Variants in TMEM164 observed in about 807,000 individuals in gnomAD.
TMEM164 encodes the protein transmembrane protein 164, also known as RP13-360B22.2.
Under a neutral mutation model 18.8 loss-of-function variants are expected in TMEM164, and 4 were observed. The observed-to-expected ratio is 0.21, with a 90% CI of 0.10 to 0.49. The LOEUF (loss-of-function observed/expected upper bound fraction) is 0.49, where lower values mean the gene tolerates loss of function less well. Among genes scored for constraint, TMEM164 ranks in the 20% least tolerant of loss-of-function variants. The pLI is 0.98. For missense variants in TMEM164, 108 were observed against 239.9 expected (o/e 0.45, Z 3.63); for synonymous variants, 86 against 101.7 (o/e 0.85, Z 0.93).
At chrX:110,030,369 C>T (rs1934421033) in intron 2 of TMEM164, among the ~76,000 whole-genome samples, 1 of 108,293 alleles carries the variant, frequency 9.2e-6, no homozygotes, top group African/African-American at 3.4e-5. Flanking sequence ...ATCCTTCCAT[C>T]TCTGCCTCCC....
intron 2 of TMEM164, among the ~76,000 whole-genome samples, chrX:110,047,213 G>A (rs748986384): frequency 4.4e-4 from 49 of 112,074 alleles, no homozygotes; most frequent in South Asian, 2.6e-3. Context: ...GTGTCAGAAG[G>A]TATTTTTCAA....
At position 110,173,354 on chromosome X, in the gene TMEM164, C is replaced by T; in HGVS notation, c.797C>T (p.Thr266Ile). ...GGACACCAGACTCTCATGACCATGA[C>T]CCACGGGAAGCTGGTCATCCTGTTC... The part of the protein sequence containing the change: ...ASGHQTLMTM[T>I]HGKLVILFSY... Residue 266 changes from threonine (T) to isoleucine (I), a missense_variant, in exon 7 of 7, where the codon ACC becomes ATC. Coordinates refer to ENST00000372068, the MANE Select transcript of TMEM164 (RefSeq NM_032227.4). 1 of 1,211,668 alleles carries T rather than the reference C, an allele frequency of 8.3e-7. No individual in the cohort carries two copies. Among genetic ancestry groups the T allele is most frequent in the Non-Finnish European group, 1.1e-6 (1 of 895,275 alleles).
chrX:110,118,313 A>T (rs1328915613), intron 4 of TMEM164, among the ~76,000 whole-genome samples: 1 of 111,690 alleles, frequency 9.0e-6, no homozygotes, highest in Non-Finnish European at 1.9e-5. Flanking sequence ...CTATATATTC[A>T]TATATTCCTT....
rs766531815 is a variant in TMEM164, at chrX:110,013,614, T to C, written c.390+9450T>C. Reference sequence around the variant, plus strand: ...GATACAGCGGGGATCCTGACTTAAGTAGGGCAGTAGGAATGCTTCATTTTC... The same window carrying C: ...GATACAGCGGGGATCCTGACTTAAGCAGGGCAGTAGGAATGCTTCATTTTC... On this transcript the variant is annotated intron_variant, in intron 2 of 6. Coordinates refer to ENST00000372068, the MANE Select transcript of TMEM164 (RefSeq NM_032227.4). Among the ~76,000 whole-genome samples, 29 of 111,552 alleles carry C rather than the reference T, an allele frequency of 2.6e-4. No homozygotes were observed. In the South Asian group the frequency reaches 2.6e-3, roughly 10 times the overall value.
At chrX:110,063,849 C>T (rs1247731574) in intron 2 of TMEM164, among the ~76,000 whole-genome samples, 2 of 110,926 alleles carry the variant, frequency 1.8e-5, no homozygotes, top group African/African-American at 3.3e-5. Context: ...ATCTTATGAG[C>T]TGGCTGATGG....
intron 2 of TMEM164, among the ~76,000 whole-genome samples, chrX:110,021,465 G>T (rs745541944): frequency 9.0e-6 from 1 of 111,348 alleles, no homozygotes; most frequent in South Asian, 3.8e-4. Context: ...TGGCCAAGAG[G>T]CAGGCAGGGG....
intron 3 of TMEM164, among the ~76,000 whole-genome samples, chrX:110,072,700 T>C (rs2065612729): frequency 8.9e-6 from 1 of 111,829 alleles, no homozygotes; most frequent in Non-Finnish European, 1.9e-5. Flanking sequence ...TCAATTTATT[T>C]ATTCTTTCTA....
At chrX:110,055,725 G>A (rs1450798744) in intron 2 of TMEM164, among the ~76,000 whole-genome samples, 2 of 111,563 alleles carry the variant, frequency 1.8e-5, no homozygotes, top group Admixed American at 1.9e-4. Flanking sequence ...ACTGGGCTTT[G>A]TGAAAGAAGT....
intron 2 of TMEM164, among the ~76,000 whole-genome samples, chrX:110,044,593 C>CTTTTTTTTTTT (rs56400284): frequency 1.1e-4 from 4 of 35,960 alleles, no homozygotes; most frequent in Non-Finnish European, 1.3e-4. Context: ...CCATTCCTTG[C>CTTTTTTTTTTT]TTTTTTTTTT....
intron 5 of TMEM164, among the ~76,000 whole-genome samples, chrX:110,153,125 C>A: frequency 8.9e-6 from 1 of 111,778 alleles, no homozygotes; most frequent in Non-Finnish European, 1.9e-5. Context: ...GGCCTAGAAA[C>A]ATTCATTTGT....
At chrX:110,076,299 T>A (rs1482089229) in intron 3 of TMEM164, among the ~76,000 whole-genome samples, 1 of 111,090 alleles carries the variant, frequency 9.0e-6, no homozygotes, top group African/African-American at 3.3e-5. Flanking sequence ...TTCTTTCATA[T>A]TTCTTTGGGA....
intron 4 of TMEM164, among the ~76,000 whole-genome samples, chrX:110,124,119 A>AGG: frequency 1.5e-5 from 1 of 67,512 alleles, no homozygotes; most frequent in Admixed American, 2.1e-4. Flanking sequence ...TGTAATAACA[A>AGG]ATGGAAGGAA....
intron 5 of TMEM164, among the ~76,000 whole-genome samples, chrX:110,154,073 G>A (rs912372901): frequency 2.7e-5 from 3 of 111,540 alleles, no homozygotes; most frequent in Admixed American, 9.6e-5. Context: ...CGACTTTGTG[G>A]TATATCCTTT....
chrX:110,171,883 G>T (rs1030087041), intron 6 of TMEM164, among the ~76,000 whole-genome samples: 2 of 112,045 alleles, frequency 1.8e-5, no homozygotes, highest in African/African-American at 6.5e-5. Flanking sequence ...CTGACCTTGG[G>T]TCCATCCTGG....
At chrX:110,017,438 CTT>C (rs1278771681) in intron 2 of TMEM164, among the ~76,000 whole-genome samples, 1 of 55,984 alleles carries the variant, frequency 1.8e-5, no homozygotes, top group African/African-American at 7.9e-5. Flanking sequence ...TTCTTTCTTT[CTT>C]TCTTTCTCTC....
At chrX:110,181,423 G>A (rs111312659), downstream of TMEM164, among the ~76,000 whole-genome samples, 671 of 112,220 alleles carry the variant, frequency 6.0e-3, 5 homozygotes, top group African/African-American at 0.021. Flanking sequence ...GGGATGCATC[G>A]GAGTAGAGTG....
intron 3 of TMEM164, among the ~76,000 whole-genome samples, chrX:110,078,825 AT>A (rs1376651900): frequency 1.8e-5 from 2 of 112,260 alleles, no homozygotes; most frequent in Non-Finnish European, 3.8e-5. Context: ...GTCTCAAAAA[AT>A]AAAATTAAAT....
chrX:110,110,403 C>G (rs746565364), intron 4 of TMEM164, among the ~76,000 whole-genome samples: 2 of 112,169 alleles, frequency 1.8e-5, no homozygotes, highest in South Asian at 7.4e-4. Context: ...AAACATCATA[C>G]TGTACGTACC....
intron 3 of TMEM164, among the ~76,000 whole-genome samples, chrX:110,072,190 A>G (rs974255845): frequency 3.8e-5 from 4 of 105,905 alleles, no homozygotes; most frequent in Non-Finnish European, 7.7e-5. Flanking sequence ...AATCCCAGCT[A>G]CTCGAGAGGC....
Sources: allele counts gnomAD v4.1 joint callset (sites outside exome capture counted in the v4.1 genomes callset), GRCh38; gene constraint gnomAD v4.1.1; transcripts MANE v1.5; gene names NCBI Gene and HGNC (gene_info 2026-07-23, HGNC 2026-07-21).